Variants in GPC5 observed in about 807,000 individuals in gnomAD.
GPC5 encodes the protein glypican-5.
A neutral mutation model predicts 53.9 loss-of-function variants in GPC5; 47 were observed. The observed-to-expected ratio is 0.87, with a 90% CI of 0.69 to 1.11. The LOEUF (loss-of-function observed/expected upper bound fraction) is 1.11, where lower values mean the gene tolerates loss of function less well. GPC5 is among the 50% of genes most tolerant of loss of function. The pLI is 0.00. For missense variants in GPC5, 748 were observed against 713.1 expected (o/e 1.05, Z -0.56); for synonymous variants, 286 against 263.3 (o/e 1.09, Z -0.84).
intron 7 of GPC5, among the ~76,000 whole-genome samples, chr13:92,379,213 G>A (rs2043718505): frequency 6.6e-6 from 1 of 152,154 alleles, no homozygotes; most frequent in South Asian, 2.1e-4. Flanking sequence ...TGTATGCGAG[G>A]CAGAGATCTT....
At chr13:91,788,854 C>T (rs1174803022) in intron 5 of GPC5, among the ~76,000 whole-genome samples, 1 of 152,110 alleles carries the variant, frequency 6.6e-6, no homozygotes, top group Non-Finnish European at 1.5e-5. Context: ...CTTTGTGTTA[C>T]ATGATGTGTT....
intron 5 of GPC5, among the ~76,000 whole-genome samples, chr13:91,782,569 C>T (rs1329688701): frequency 1.3e-5 from 2 of 152,172 alleles, no homozygotes; most frequent in Non-Finnish European, 2.9e-5. Flanking sequence ...ATCCAATCAC[C>T]TCCCACCAAG....
rs16947705 is a variant in GPC5 at position 92,508,403 on chromosome 13, T to C, written c.1562-357879T>C. On this transcript the variant is annotated intron_variant, in intron 7 of 7. Coordinates refer to ENST00000377067, the MANE Select transcript of GPC5 (RefSeq NM_004466.6). The stretch of plus-strand genomic sequence containing the variant: ...AGCTTGGGTACAATAATAATGATTA[T>C]GGACAGGCATATACAGAACTTTTAA... 4.2e-3 allele frequency among the ~76,000 whole-genome samples: 645 copies of C among 152,316 alleles called. 14 individuals carry two copies. In the South Asian group the frequency reaches 0.054, roughly 13 times the overall value.
chr13:91,797,998 A>T (rs1431612331), intron 5 of GPC5, among the ~76,000 whole-genome samples: 1 of 152,124 alleles, frequency 6.6e-6, no homozygotes, highest in African/African-American at 2.4e-5. Flanking sequence ...GGTTAGGGAG[A>T]TTATCTTGCT....
At chr13:92,381,738 G>A (rs1239860997) in intron 7 of GPC5, among the ~76,000 whole-genome samples, 1 of 151,074 alleles carries the variant, frequency 6.6e-6, no homozygotes, top group East Asian at 1.9e-4. Flanking sequence ...TTGCAAAATC[G>A]CAGAACCAGC....
chr13:91,636,304 C>T (rs2034282850), intron 2 of GPC5, among the ~76,000 whole-genome samples: 1 of 151,734 alleles, frequency 6.6e-6, no homozygotes. Context: ...TAGAATTAAG[C>T]CTATGATTTA....
At position 92,512,206 on chromosome 13, in the gene GPC5, A is replaced by T. The variant is rs541056009; in HGVS notation, c.1562-354076A>T. ...CTGGCAACACTTAATGATTGATCCT[A>T]GTAATTTTTTTTTATTTTGTAGATT... On this transcript the variant is annotated intron_variant, in intron 7 of 7. Transcript: ENST00000377067. 1.3e-4 allele frequency among the ~76,000 whole-genome samples: 20 copies of T among 151,606 alleles called. 1 individual carries two copies. In the East Asian group the frequency reaches 3.1e-3, roughly 24 times the overall value.
intron 5 of GPC5, among the ~76,000 whole-genome samples, chr13:91,907,482 ACTCTCT>A (rs988534268): frequency 1.9e-5 from 2 of 104,286 alleles, no homozygotes; most frequent in Non-Finnish European, 3.7e-5. Context: ...ATATTAGGCT[ACTCTCT>A]CTCTCTCTCT....
intron 7 of GPC5, among the ~76,000 whole-genome samples, chr13:92,576,986 G>A (rs1383539306): frequency 7.2e-5 from 11 of 152,080 alleles, no homozygotes; most frequent in African/African-American, 2.7e-4. Flanking sequence ...TTGAAGTGAT[G>A]TAATCTTCAA....
chr13:92,321,611 A>ACATG (rs2043216253), intron 7 of GPC5, among the ~76,000 whole-genome samples: 1 of 72,778 alleles, frequency 1.4e-5, no homozygotes, highest in Admixed American at 1.3e-4. Flanking sequence ...AAACATACAT[A>ACATG]CATACATACA....
At chr13:92,343,875 TATC>T (rs1269375217) in intron 7 of GPC5, among the ~76,000 whole-genome samples, 1 of 152,184 alleles carries the variant, frequency 6.6e-6, no homozygotes, top group Non-Finnish European at 1.5e-5. Context: ...TTTCAGGGCA[TATC>T]TTATTATCCA....
chr13:91,922,565 G>T (rs1451826586), intron 6 of GPC5, among the ~76,000 whole-genome samples: 1 of 151,972 alleles, frequency 6.6e-6, no homozygotes. Context: ...CTTTTTCTCT[G>T]TAACTCTTAG....
chr13:92,024,094 C>T (rs1370758944), intron 6 of GPC5, among the ~76,000 whole-genome samples: 1 of 152,024 alleles, frequency 6.6e-6, no homozygotes, highest in Non-Finnish European at 1.5e-5. Flanking sequence ...GAGGCCCAGG[C>T]CCATAAGCCT....
At chr13:91,684,360 G>A (rs1347691181) in intron 2 of GPC5, among the ~76,000 whole-genome samples, 2 of 151,866 alleles carry the variant, frequency 1.3e-5, no homozygotes, top group African/African-American at 4.8e-5. Flanking sequence ...TTTTCTAACT[G>A]GTAACATGTT....
chr13:92,113,033 G>A (rs2041570768), intron 6 of GPC5, among the ~76,000 whole-genome samples: 1 of 152,064 alleles, frequency 6.6e-6, no homozygotes, highest in Non-Finnish European at 1.5e-5. Flanking sequence ...AACATCAACT[G>A]ATAAGTGTAT....
intron 7 of GPC5, among the ~76,000 whole-genome samples, chr13:92,348,123 G>A (rs2043442968): frequency 6.8e-6 from 1 of 146,402 alleles, no homozygotes; most frequent in Non-Finnish European, 1.5e-5. Context: ...GTAAGTCCTT[G>A]TCTATCAATA....
intron 6 of GPC5, among the ~76,000 whole-genome samples, chr13:92,103,435 C>T (rs1019369629): frequency 6.6e-6 from 1 of 152,106 alleles, no homozygotes; most frequent in Non-Finnish European, 1.5e-5. Flanking sequence ...ATATTTATCT[C>T]ACTTCTTTTA....
intron 6 of GPC5, among the ~76,000 whole-genome samples, chr13:92,107,833 C>T (rs1285219454): frequency 6.6e-6 from 1 of 152,142 alleles, no homozygotes; most frequent in Non-Finnish European, 1.5e-5. Flanking sequence ...AGAAATGCTG[C>T]TCTAAACCAT....
chr13:92,847,660 G>A (rs575685946), intron 7 of GPC5, among the ~76,000 whole-genome samples: 83 of 151,794 alleles, frequency 5.5e-4, no homozygotes, highest in African/African-American at 1.3e-3. Flanking sequence ...CCAGTCTCAG[G>A]TAGTTCTTTA....
Sources: gnomAD v4.1 joint callset for allele counts (sites outside exome capture counted in the v4.1 genomes callset) on GRCh38, gnomAD v4.1.1 for gene constraint, MANE v1.5 for transcripts, NCBI Gene and HGNC (gene_info 2026-07-23, HGNC 2026-07-21) for gene names.